The following SUFU variants were observed in gnomAD, a reference collection of about 807,000 sequenced individuals.
SUFU encodes SUFU negative regulator of hedgehog signaling.
Under a neutral mutation model 58.9 loss-of-function variants are expected in SUFU, and 7 were observed. That is an observed-to-expected ratio of 0.12 (90% CI 0.07 to 0.22). The LOEUF is 0.22. Among genes scored for constraint, SUFU ranks in the 10% least tolerant of loss-of-function variants. The probability of loss-of-function intolerance (pLI) is 1.00; values close to 1 mark genes in which losing one functional copy is unlikely to be tolerated. For synonymous variants in SUFU, 232 were observed against 254.8 expected, an observed-to-expected ratio of 0.91 and a Z score of 0.85; for missense variants, 451 against 641.3, an observed-to-expected ratio of 0.70 and a Z score of 3.20.
At chr10:102,566,870 G>A (rs1338631068) in intron 3 of SUFU, among the ~76,000 whole-genome samples, 3 of 149,344 alleles carry the variant, frequency 2.0e-5, no homozygotes, top group Non-Finnish European at 3.0e-5. Flanking sequence ...ACTTGAACCC[G>A]GAAGGCGGAG....
chr10:102,611,894 G>A (rs2063627487), intron 8 of SUFU, among the ~76,000 whole-genome samples: 1 of 152,186 alleles, frequency 6.6e-6, no homozygotes, highest in Non-Finnish European at 1.5e-5. Flanking sequence ...CAGCGGGTAT[G>A]AGCTGTGCCT....
intron 3 of SUFU, among the ~76,000 whole-genome samples, chr10:102,562,764 A>G (rs2063051603): frequency 6.6e-6 from 1 of 151,402 alleles, no homozygotes; most frequent in African/African-American, 2.4e-5. Context: ...GATGGTGCAT[A>G]TCTGTAATCC....
intron 3 of SUFU, among the ~76,000 whole-genome samples, chr10:102,569,919 G>A (rs913944264): frequency 5.9e-5 from 9 of 152,198 alleles, no homozygotes; most frequent in African/African-American, 2.2e-4. Context: ...AAGACGAAAA[G>A]ACTTTGAGAT....
chr10:102,556,284 C>T (rs998918884), intron 3 of SUFU, among the ~76,000 whole-genome samples: 1 of 152,152 alleles, frequency 6.6e-6, no homozygotes, highest in South Asian at 2.1e-4. Flanking sequence ...TGCTGGCAGA[C>T]AGCTACCCTC....
chr10:102,526,389 C>CA (rs1489183294), intron 2 of SUFU, among the ~76,000 whole-genome samples: 11 of 151,704 alleles, frequency 7.3e-5, no homozygotes, highest in African/African-American at 2.7e-4. Flanking sequence ...CCCATCTCTA[C>CA]AAAAAATACA....
chr10:102,593,367 CTT>C (rs1477532280), intron 4 of SUFU, among the ~76,000 whole-genome samples: 1 of 152,154 alleles, frequency 6.6e-6, no homozygotes, highest in Non-Finnish European at 1.5e-5. Context: ...TGGTTTTCTC[CTT>C]TGTAGCTAAG....
chr10:102,584,188 G>A (rs1243232325), intron 3 of SUFU, among the ~76,000 whole-genome samples: 1 of 152,218 alleles, frequency 6.6e-6, no homozygotes, highest in Non-Finnish European at 1.5e-5. Flanking sequence ...GTCACATCCA[G>A]TTAGGGATGG....
chr10:102,522,524 A>G (rs1216013937), intron 2 of SUFU, among the ~76,000 whole-genome samples: 2 of 152,214 alleles, frequency 1.3e-5, no homozygotes, highest in Non-Finnish European at 2.9e-5. Flanking sequence ...CGAGGGACAC[A>G]GAAGGTTCAC....
intron 2 of SUFU, among the ~76,000 whole-genome samples, chr10:102,518,820 C>T (rs989251929): frequency 1.3e-5 from 2 of 151,556 alleles, no homozygotes; most frequent in African/African-American, 2.4e-5. Context: ...CGTGAGTCAC[C>T]GCACCCGGCC....
intron 8 of SUFU, among the ~76,000 whole-genome samples, chr10:102,611,706 T>G (rs984356229): frequency 6.6e-6 from 1 of 152,266 alleles, no homozygotes; most frequent in African/African-American, 2.4e-5. Context: ...ACTATTGGCC[T>G]TATCTGAGTC....
intron 3 of SUFU, among the ~76,000 whole-genome samples, chr10:102,586,423 C>G (rs558087309): frequency 6.6e-6 from 1 of 151,864 alleles, no homozygotes; most frequent in South Asian, 2.1e-4. Context: ...CCTGTAATCC[C>G]AGCACTTTGG....
intron 2 of SUFU, among the ~76,000 whole-genome samples, chr10:102,545,070 A>G (rs904610454): frequency 1.3e-5 from 2 of 151,748 alleles, no homozygotes; most frequent in African/African-American, 2.4e-5. Context: ...TAATGCTACT[A>G]TGAACATTGA....
At chr10:102,591,531 C>T (rs1042221845) in intron 3 of SUFU, 1 of 150,554 alleles carries the variant, frequency 6.6e-6, no homozygotes. Flanking sequence ...CTCGTGCTCA[C>T]TTCAGCAGCA....
intron 10 of SUFU, among the ~76,000 whole-genome samples, chr10:102,626,925 G>T (rs2063791508): frequency 6.6e-6 from 1 of 151,832 alleles, no homozygotes; most frequent in African/African-American, 2.4e-5. Flanking sequence ...CTCTCCCAGT[G>T]TCCTCCCTCC....
rs554370146 is a variant in SUFU at position 102,516,090 on chromosome 10, G to A, written c.317+6787G>A. On this transcript the variant is annotated intron_variant, in intron 2 of 11. Coordinates refer to ENST00000369902, the MANE Select transcript of SUFU (RefSeq NM_016169.4). ...CTGAATTTGTGAATTTTTAAATGTT[G>A]AGGAGAATTTCTTTTCTTTTTCTTT... 2.7e-5 allele frequency among the ~76,000 whole-genome samples: 4 copies of A among 150,622 alleles called. No homozygotes were observed. In the South Asian group the frequency reaches 8.4e-4, roughly 32 times the overall value.
At chr10:102,576,049 T>C (rs2063209079) in intron 3 of SUFU, among the ~76,000 whole-genome samples, 1 of 151,644 alleles carries the variant, frequency 6.6e-6, no homozygotes, top group Non-Finnish European at 1.5e-5. Context: ...TCTTGGTATG[T>C]TGTCCAGGCT....
intron 2 of SUFU, among the ~76,000 whole-genome samples, chr10:102,524,051 C>G (rs553833348): frequency 1.3e-5 from 2 of 152,302 alleles, no homozygotes. Context: ...CTTCCTTAGA[C>G]CCTTTCGCAA....
chr10:102,599,932 G>A (rs542886654), intron 8 of SUFU, among the ~76,000 whole-genome samples: 8 of 152,134 alleles, frequency 5.3e-5, no homozygotes, highest in Non-Finnish European at 1.2e-4. Flanking sequence ...CCTGGTCTCC[G>A]GCTGATAGCT....
In SUFU at chr10:102,599,418, G is replaced by A. The variant is rs2135888427; in HGVS notation, c.911-15G>A. The A allele has an allele frequency of 6.3e-7, 1 of 1,599,472 alleles. No homozygotes were observed. Among genetic ancestry groups the A allele is most frequent in the South Asian group, 1.1e-5 (1 of 90,796 alleles). On this transcript the variant is annotated splice_polypyrimidine_tract_variant and intron_variant, in intron 7 of 11. Coordinates refer to ENST00000369902, the MANE Select transcript of SUFU (RefSeq NM_016169.4). ...GCCCACTGGGCCACTGGGCAACTTA[G>A]TGGTGTCGTTGCAGACACAGAGCAG... is the stretch of plus-strand genomic sequence containing the variant.
Sources: gnomAD v4.1 joint callset for allele counts (sites outside exome capture counted in the v4.1 genomes callset) on GRCh38, gnomAD v4.1.1 for gene constraint, MANE v1.5 for transcripts, NCBI Gene and HGNC (gene_info 2026-07-23, HGNC 2026-07-21) for gene names.